CSMD1: variants seen among roughly 807,000 people sequenced by gnomAD.
CSMD1 encodes the protein CUB and sushi domain-containing protein 1.
In CSMD1, 213 loss-of-function variants were observed where a neutral mutation model predicts 417.5. The observed-to-expected ratio is 0.51, with a 90% CI of 0.46 to 0.57. The LOEUF is 0.57. Among genes scored for constraint, CSMD1 ranks in the 20% least tolerant of loss-of-function variants. CSMD1 has a pLI of 0.00. For synonymous variants in CSMD1, 2,862 were observed against 1,736.8 expected (o/e 1.65, Z -16.11); for missense variants, 6,923 against 4,529.7 (o/e 1.53, Z -15.17).
intron 49 of CSMD1, among the ~76,000 whole-genome samples, chr8:3,077,840 G>C (rs1020810812): frequency 1.3e-5 from 2 of 152,222 alleles, no homozygotes; most frequent in Non-Finnish European, 2.9e-5. Flanking sequence ...GTGTCAGCTG[G>C]TATCTTAAAC....
intron 3 of CSMD1, among the ~76,000 whole-genome samples, chr8:4,259,958 T>A (rs941356019): frequency 2.0e-5 from 3 of 152,196 alleles, no homozygotes; most frequent in Non-Finnish European, 4.4e-5. Flanking sequence ...AATGTAATTG[T>A]TTCTAGTTTT....
chr8:4,208,044 G>A (rs955728183), intron 3 of CSMD1, among the ~76,000 whole-genome samples: 1 of 152,146 alleles, frequency 6.6e-6, no homozygotes, highest in Non-Finnish European at 1.5e-5. Context: ...GTAAATATAT[G>A]AGGGTAATTC....
intron 3 of CSMD1, among the ~76,000 whole-genome samples, chr8:4,306,610 G>T (rs766260033): frequency 1.3e-5 from 2 of 151,962 alleles, no homozygotes; most frequent in East Asian, 1.9e-4. Context: ...TTCCTTCTTG[G>T]CCTCTTCAAT....
intron 2 of CSMD1, among the ~76,000 whole-genome samples, chr8:4,536,763 G>A (rs1185980018): frequency 2.0e-5 from 3 of 152,062 alleles, no homozygotes; most frequent in African/African-American, 7.2e-5. Context: ...ATAGATTCCT[G>A]GAACTTATCT....
rs553011015 is a variant in CSMD1 at position 4,771,687 on chromosome 8, C to G, written c.86-134129G>C. 3.9e-5 allele frequency among the ~76,000 whole-genome samples: 6 copies of G among 152,306 alleles called. No individual in the cohort carries two copies. The East Asian group carries it at 1.2e-3, about 29-fold the overall frequency. ...AAACATACGCAAAGTAAAAACTTCA[C>G]CCGTGTCCCCTGTGTCCAGCATGTC... On this transcript the variant is annotated intron_variant, in intron 1 of 69. Coordinates refer to ENST00000635120, the MANE Select transcript of CSMD1 (RefSeq NM_033225.6).
chr8:4,934,627 CCTAT>C (rs1381584905), intron 1 of CSMD1, among the ~76,000 whole-genome samples: 3 of 146,048 alleles, frequency 2.1e-5, no homozygotes, highest in African/African-American at 7.4e-5. Flanking sequence ...CACTTATCTA[CCTAT>C]CTATATATCA....
At chr8:4,424,363 T>A (rs546904055) in intron 2 of CSMD1, among the ~76,000 whole-genome samples, 16 of 151,460 alleles carry the variant, frequency 1.1e-4, no homozygotes, top group African/African-American at 3.4e-4. Context: ...AACAATCCAA[T>A]TAGAAAATAG....
At chr8:3,223,598 G>T in intron 28 of CSMD1, 131 bp downstream of exon 28, 8 of 871,810 alleles carry the variant, frequency 9.2e-6, no homozygotes, top group Admixed American at 2.4e-5. Flanking sequence ...GCCTGGTGTA[G>T]TCTCCATTAG....
In CSMD1 at chr8:4,198,479, A is replaced by G. The variant is rs148287875; in HGVS notation, c.416-166380T>C. Among the ~76,000 whole-genome samples the G allele has an allele frequency of 1.7e-3, 256 of 152,300 alleles. 6 individuals are homozygous for G. The East Asian group carries it at 0.023, about 14-fold the overall frequency. On this transcript the variant is annotated intron_variant, in intron 3 of 69. Transcript: ENST00000635120. Reference sequence around the variant, plus strand: ...TATGGATTTGGGGGATGAGAAAGAAATCACTAGAGGATGAGAAAGAAATCA... The same window carrying G: ...TATGGATTTGGGGGATGAGAAAGAAGTCACTAGAGGATGAGAAAGAAATCA...
chr8:4,166,667 G>C (rs1483398459), intron 3 of CSMD1, among the ~76,000 whole-genome samples: 1 of 152,050 alleles, frequency 6.6e-6, no homozygotes, highest in Non-Finnish European at 1.5e-5. Context: ...ACACTGCTGG[G>C]GTGATGGGTG....
Position 3,399,544 on chromosome 8 carries a change from A to C in CSMD1, c.2267-15T>G. 1.3e-6 allele frequency: 2 copies of C among 1,569,568 alleles called. No individual in the cohort carries two copies. The highest frequency in any genetic ancestry group is 1.7e-6 in the Non-Finnish European group (2 of 1,160,582). On this transcript the variant is annotated splice_polypyrimidine_tract_variant and intron_variant, in intron 15 of 69. Transcript: ENST00000635120. ...ACCACATGGAGCTAAAACAAGACGTAGAATATCTATTAGATCCAATGAGAC... is the reference window on the plus strand; with the variant it reads ...ACCACATGGAGCTAAAACAAGACGTCGAATATCTATTAGATCCAATGAGAC...
intron 2 of CSMD1, among the ~76,000 whole-genome samples, chr8:4,461,489 A>G (rs1191632807): frequency 6.6e-6 from 1 of 151,080 alleles, no homozygotes; most frequent in Admixed American, 6.6e-5. Flanking sequence ...AGAATTTAAG[A>G]ACATCTCCAG....
At chr8:4,619,980 G>A (rs971239609) in intron 2 of CSMD1, among the ~76,000 whole-genome samples, 2 of 151,730 alleles carry the variant, frequency 1.3e-5, no homozygotes, top group African/African-American at 4.8e-5. Context: ...GTTACATGAG[G>A]CATAATTACA....
chr8:4,170,975 G>T (rs1568332), intron 3 of CSMD1, among the ~76,000 whole-genome samples: 1 of 151,666 alleles, frequency 6.6e-6, no homozygotes, highest in Non-Finnish European at 1.5e-5. Flanking sequence ...TGCAGTTGAC[G>T]AACTGAGACT....
chr8:2,965,766 C>G lies in CSMD1; in HGVS notation c.9280+9G>C, dbSNP rs536667428. On this transcript the variant is annotated intron_variant, in intron 59 of 69. Transcript: ENST00000635120. ...ACATCTGTAAAATCCAAAGAGTCAC[C>G]AAACAAACCTTTGCAGACAGGTTTG... 195 of 1,594,392 alleles carry G rather than the reference C, an allele frequency of 1.2e-4. No homozygotes were observed. In the South Asian group the frequency reaches 1.4e-3, roughly 12 times the overall value.
intron 40 of CSMD1, among the ~76,000 whole-genome samples, chr8:3,150,456 C>G (rs35788654): frequency 0.068 from 10,329 of 152,270 alleles, 448 homozygotes; most frequent in Middle Eastern, 0.12. Flanking sequence ...CTCTGCTGAG[C>G]AAGTCCACCC....
At chr8:3,999,296 G>A (rs1381732656) in intron 4 of CSMD1, among the ~76,000 whole-genome samples, 1 of 152,090 alleles carries the variant, frequency 6.6e-6, no homozygotes, top group Non-Finnish European at 1.5e-5. Flanking sequence ...GTAAGCAGAG[G>A]TTGTGTGACC....
At chr8:3,384,400 ATAAAT>A (rs1479510775) in intron 18 of CSMD1, among the ~76,000 whole-genome samples, 2 of 151,838 alleles carry the variant, frequency 1.3e-5, no homozygotes, top group Non-Finnish European at 2.9e-5. Flanking sequence ...TAATTATATT[ATAAAT>A]TAAGTTTCTG....
chr8:3,411,741 T>A (rs570964161), intron 12 of CSMD1, among the ~76,000 whole-genome samples: 9 of 135,402 alleles, frequency 6.6e-5, no homozygotes, highest in African/African-American at 2.2e-4. Context: ...TACACGTGTA[T>A]ATATACACGT....
Sources: allele counts gnomAD v4.1 joint callset (sites outside exome capture counted in the v4.1 genomes callset), GRCh38; gene constraint gnomAD v4.1.1; transcripts MANE v1.5; gene names NCBI Gene and HGNC (gene_info 2026-07-23, HGNC 2026-07-21).